Variants in ASPH observed in about 807,000 individuals in gnomAD.
ASPH encodes aspartyl/asparaginyl beta-hydroxylase.
Under a neutral mutation model 118.4 loss-of-function variants are expected in ASPH, and 100 were observed. The ratio of observed to expected loss-of-function variants is 0.84; its 90% CI spans 0.72 to 1.00. The LOEUF (loss-of-function observed/expected upper bound fraction) is 1.00, where lower values mean the gene tolerates loss of function less well. Among genes scored for constraint, ASPH ranks in the 50% least tolerant of loss-of-function variants. ASPH has a pLI of 0.00. For synonymous variants in ASPH, 315 were observed against 325.6 expected (o/e 0.97, Z 0.35); for missense variants, 920 against 919.5 (o/e 1.00, Z -0.01).
intron 3 of ASPH, among the ~76,000 whole-genome samples, chr8:61,665,880 T>A (rs969575731): frequency 6.6e-6 from 1 of 152,116 alleles, no homozygotes. Flanking sequence ...TGCAATATTA[T>A]AAAATTGAGG....
At chr8:61,584,088 C>G in intron 14 of ASPH, 59 bp from the exon 15 acceptor site, 1 of 1,115,360 alleles carries the variant, frequency 9.0e-7, no homozygotes. Context: ...AGTTATTAAG[C>G]ATAACAATTT....
At chr8:61,564,616 G>A (rs879758023) in intron 17 of ASPH, among the ~76,000 whole-genome samples, 2 of 152,138 alleles carry the variant, frequency 1.3e-5, no homozygotes, top group African/African-American at 2.4e-5. Flanking sequence ...CTGATTCTGC[G>A]TCCATGGCGA....
chr8:61,601,220 G>C (rs1266491619), intron 14 of ASPH, among the ~76,000 whole-genome samples: 4 of 151,042 alleles, frequency 2.6e-5, no homozygotes, highest in Non-Finnish European at 5.9e-5. Flanking sequence ...TAGAAGATTT[G>C]AACAGTGGTA....
chr8:61,694,220 T>G (rs1180248945), intron 1 of ASPH, among the ~76,000 whole-genome samples: 1 of 152,076 alleles, frequency 6.6e-6, no homozygotes, highest in African/African-American at 2.4e-5. Context: ...CCTGCATCCA[T>G]TCCGAGTTTC....
intron 22 of ASPH, among the ~76,000 whole-genome samples, chr8:61,523,123 C>T (rs1813762561): frequency 6.6e-6 from 1 of 152,070 alleles, no homozygotes; most frequent in Admixed American, 6.5e-5. Context: ...TCACCTTTTT[C>T]TCTGAATCTG....
chr8:61,689,959 C>T (rs1037802783), intron 1 of ASPH: 10 of 833,786 alleles, frequency 1.2e-5, no homozygotes, highest in Non-Finnish European at 1.5e-5. Context: ...CTTTCTCCCA[C>T]TTACGGGATT....
In ASPH at chr8:61,584,004, T is replaced by C; in HGVS notation, c.1002A>G (p.Leu334=). 6.4e-7 allele frequency: 1 copy of C among 1,572,088 alleles called. No individual in the cohort carries two copies. Among genetic ancestry groups the C allele is most frequent in the Non-Finnish European group, 8.6e-7 (1 of 1,156,504 alleles). The change falls in exon 15 of 25, where the codon TTA becomes TTG. Residue 334 remains leucine, a synonymous_variant. Coordinates refer to ENST00000379454, the MANE Select transcript of ASPH (RefSeq NM_004318.4). The part of the protein sequence containing the change: ...AKVKKKKPKL[L]NKFDKTIKAE... ...CTTTAATAGTCTTATCAAATTTATT[T>C]AAAAGTTTAGGCTTCTTTTTCTTAA... is the stretch of plus-strand genomic sequence containing the variant.
At chr8:61,699,037 T>C (rs1330870346) in intron 1 of ASPH, among the ~76,000 whole-genome samples, 1 of 152,262 alleles carries the variant, frequency 6.6e-6, no homozygotes, top group East Asian at 1.9e-4. Flanking sequence ...CTTTGGCCAC[T>C]GGACAGCCTA....
intron 14 of ASPH, chr8:61,607,361 C>G (rs1421464212): frequency 2.9e-6 from 2 of 681,892 alleles, no homozygotes; most frequent in Non-Finnish European, 5.3e-6. Context: ...ATAATTCTTT[C>G]TCCTACTCCG....
At chr8:61,654,103 A>G (rs966946234) in intron 3 of ASPH, among the ~76,000 whole-genome samples, 5 of 152,172 alleles carry the variant, frequency 3.3e-5, no homozygotes, top group Admixed American at 3.3e-4. Flanking sequence ...ATTCTACTTG[A>G]AAAACAGTTA....
Position 61,562,805 on chromosome 8 carries a change from TC to T in ASPH, c.1375del (p.Asp459ThrfsTer8). On this transcript the variant is annotated frameshift_variant, in exon 18 of 25. Coordinates refer to ENST00000379454, the MANE Select transcript of ASPH (RefSeq NM_004318.4). LOFTEE classifies it high-confidence loss of function. Reference sequence around the variant, plus strand: ...TATCAAGAGGTATCCCACGCCAAGGTCATTTTTTAAGGAAGTATCATTGGGA... The same window carrying T: ...TATCAAGAGGTATCCCACGCCAAGGTATTTTTTAAGGAAGTATCATTGGGA... ...LFPNDTSLKN[D>X]LGVGYLLIGD... is the part of the protein sequence containing the mutation. 1 of 1,612,768 alleles carries T rather than the reference TC, an allele frequency of 6.2e-7. No individual in the cohort carries two copies. Among genetic ancestry groups the T allele is most frequent in the Non-Finnish European group, 8.5e-7 (1 of 1,179,544 alleles).
In ASPH at chr8:61,560,272, G is replaced by A. The variant is rs1026939822; in HGVS notation, c.1437+2472C>T. On this transcript the variant is annotated intron_variant, in intron 18 of 24. Coordinates refer to ENST00000379454, the MANE Select transcript of ASPH (RefSeq NM_004318.4). ...AGCTGCTAATGTTGCCAACTTGCAA[G>A]AGAATCCCAGGAGGGGCCGCAAAAA... is the stretch of plus-strand genomic sequence containing the variant. Among the ~76,000 whole-genome samples the A allele has an allele frequency of 2.0e-5, 3 of 152,170 alleles. No homozygotes were observed. The East Asian group carries it at 5.8e-4, about 29-fold the overall frequency.
chr8:61,655,381 A>G (rs1813119772), intron 3 of ASPH, among the ~76,000 whole-genome samples: 1 of 151,998 alleles, frequency 6.6e-6, no homozygotes, highest in Non-Finnish European at 1.5e-5. Context: ...TGCCTGAGAC[A>G]CTCCCAGTTT....
intron 1 of ASPH, chr8:61,684,663 G>C (rs1829708245): frequency 6.5e-6 from 1 of 153,304 alleles, no homozygotes; most frequent in African/African-American, 2.4e-5. Flanking sequence ...GGACAGAAAA[G>C]TGAAACAGCA....
chr8:61,591,483 T>C (rs1042756908), intron 14 of ASPH, among the ~76,000 whole-genome samples: 11 of 151,792 alleles, frequency 7.2e-5, no homozygotes, highest in African/African-American at 2.2e-4. Flanking sequence ...TCTTATTCCA[T>C]GTAGGTTTTT....
chr8:61,659,592 G>A (rs965514712), intron 3 of ASPH: 4 of 152,200 alleles, frequency 2.6e-5, no homozygotes, highest in Non-Finnish European at 5.9e-5. Context: ...TGCAGAAATT[G>A]ATTCCTAGGT....
intron 22 of ASPH, among the ~76,000 whole-genome samples, chr8:61,519,113 T>G (rs1476459782): frequency 6.6e-6 from 1 of 152,186 alleles, no homozygotes; most frequent in Non-Finnish European, 1.5e-5. Context: ...TTAATGGAGT[T>G]ATGATTTAAC....
chr8:61,646,722 C>G (rs1444823317), intron 6 of ASPH, 28 bp downstream of exon 6: 1 of 1,595,882 alleles, frequency 6.3e-7, no homozygotes, highest in South Asian at 1.1e-5. Flanking sequence ...TATATTTTAT[C>G]CTAAAACTTG....
At chr8:61,651,220 T>C (rs1810810619) in intron 4 of ASPH, 96 bp from the exon 5 acceptor site, 1 of 992,146 alleles carries the variant, frequency 1.0e-6, no homozygotes. Context: ...CACATTAAAA[T>C]GAATATATTT....
Sources: allele counts gnomAD v4.1 joint callset (sites outside exome capture counted in the v4.1 genomes callset), GRCh38; gene constraint gnomAD v4.1.1; transcripts MANE v1.5; gene names NCBI Gene and HGNC (gene_info 2026-07-23, HGNC 2026-07-21).